Variants in GRIK2 observed in about 807,000 individuals in gnomAD.
GRIK2 encodes the protein glutamate ionotropic receptor kainate type subunit 2.
Under a neutral mutation model 100.3 loss-of-function variants are expected in GRIK2, and 32 were observed. That is an observed-to-expected ratio of 0.32 (90% CI 0.24 to 0.43). The LOEUF is 0.43. Among genes scored for constraint, GRIK2 ranks in the 20% least tolerant of loss-of-function variants. The pLI is 1.00. For missense variants in GRIK2, 843 were observed against 1,114.9 expected, an observed-to-expected ratio of 0.76 and a Z score of 3.47; for synonymous variants, 417 against 389.4, an observed-to-expected ratio of 1.07 and a Z score of -0.83.
chr6:101,966,576 C>T (rs1290236153), intron 14 of GRIK2, among the ~76,000 whole-genome samples: 1 of 152,040 alleles, frequency 6.6e-6, no homozygotes, highest in African/African-American at 2.4e-5. Context: ...TCATCTGTTT[C>T]CCCTGAGCAC....
intron 7 of GRIK2, among the ~76,000 whole-genome samples, chr6:101,769,994 C>G (rs1778297756): frequency 6.6e-6 from 1 of 152,152 alleles, no homozygotes; most frequent in Admixed American, 6.5e-5. Context: ...GTGTAAGGTT[C>G]TGATGGCCTT....
At chr6:101,865,259 G>A (rs1022281070) in intron 11 of GRIK2, among the ~76,000 whole-genome samples, 4 of 152,200 alleles carry the variant, frequency 2.6e-5, no homozygotes, top group Admixed American at 2.0e-4. Flanking sequence ...CAGATTTCCA[G>A]CTGTCTGAAT....
chr6:101,963,825 G>A (rs1315868226), intron 14 of GRIK2, among the ~76,000 whole-genome samples: 1 of 151,852 alleles, frequency 6.6e-6, no homozygotes, highest in African/African-American at 2.4e-5. Flanking sequence ...CCACTTAATT[G>A]CTTACCAATA....
chr6:101,782,680 A>G (rs545428584), intron 7 of GRIK2, among the ~76,000 whole-genome samples: 1 of 152,208 alleles, frequency 6.6e-6, no homozygotes, highest in Admixed American at 6.5e-5. Flanking sequence ...GAGTGCATGT[A>G]TCCCTTTGAT....
At chr6:101,888,739 C>A (rs1031243906) in intron 11 of GRIK2, among the ~76,000 whole-genome samples, 1 of 152,026 alleles carries the variant, frequency 6.6e-6, no homozygotes, top group African/African-American at 2.4e-5. Context: ...TTTTTTATGT[C>A]TTTCTCTAAC....
intron 14 of GRIK2, among the ~76,000 whole-genome samples, chr6:102,031,265 C>T (rs984979313): frequency 6.6e-6 from 1 of 150,936 alleles, no homozygotes; most frequent in Non-Finnish European, 1.5e-5. Flanking sequence ...CTTCAAAATG[C>T]AAATCTGATT....
At chr6:101,658,594 G>T (rs112488164) in intron 4 of GRIK2, among the ~76,000 whole-genome samples, 3 of 151,854 alleles carry the variant, frequency 2.0e-5, no homozygotes, top group Non-Finnish European at 2.9e-5. Context: ...GGATCAAATG[G>T]TATTTCTGTT....
intron 2 of GRIK2, among the ~76,000 whole-genome samples, chr6:101,621,478 T>C (rs1198670092): frequency 6.6e-6 from 1 of 152,018 alleles, no homozygotes; most frequent in African/African-American, 2.4e-5. Context: ...TTTAAAAGAA[T>C]TTTGATTTCT....
chr6:101,451,144 T>A (rs999139613), intron 2 of GRIK2, among the ~76,000 whole-genome samples: 4 of 151,758 alleles, frequency 2.6e-5, no homozygotes, highest in Non-Finnish European at 5.9e-5. Flanking sequence ...AAACTCCTTA[T>A]CCTGCGGAAA....
intron 7 of GRIK2, among the ~76,000 whole-genome samples, chr6:101,739,483 C>T (rs9498676): frequency 0.096 from 14,655 of 152,150 alleles, 844 homozygotes; most frequent in South Asian, 0.2. Context: ...CGTTCAGGCT[C>T]TGTTATTGAC....
At chr6:101,691,227 T>C (rs1772070385) in intron 7 of GRIK2, among the ~76,000 whole-genome samples, 2 of 152,302 alleles carry the variant, frequency 1.3e-5, no homozygotes, top group South Asian at 2.1e-4. Flanking sequence ...TTGTACTTTA[T>C]TATCAATATA....
chr6:101,997,420 G>C (rs1434545731), intron 14 of GRIK2, among the ~76,000 whole-genome samples: 1 of 151,802 alleles, frequency 6.6e-6, no homozygotes, highest in African/African-American at 2.4e-5. Flanking sequence ...TGCATCTTTG[G>C]TATTTTTAAA....
At position 102,035,978 on chromosome 6, in the gene GRIK2, G is replaced by A. The variant is rs1770247333; in HGVS notation, c.2311+412G>A. On this transcript the variant is annotated intron_variant, in intron 15 of 16. Coordinates refer to ENST00000369134, the MANE Select transcript of GRIK2 (RefSeq NM_021956.5). ...AACGAAAATAAGTGAGGCATAAATG[G>A]CTCTCATGAATATTATCAGAATTGT... is the stretch of plus-strand genomic sequence containing the variant. Among the ~76,000 whole-genome samples, 3 of 151,338 alleles carry A rather than the reference G, an allele frequency of 2.0e-5. No individual in the cohort carries two copies. In the South Asian group the frequency reaches 6.2e-4, roughly 31 times the overall value.
intron 14 of GRIK2, among the ~76,000 whole-genome samples, chr6:102,012,478 A>T (rs553386219): frequency 6.6e-5 from 10 of 152,274 alleles, no homozygotes; most frequent in Admixed American, 6.5e-4. Context: ...CTATCCATGA[A>T]CATGAATGTC....
intron 2 of GRIK2, among the ~76,000 whole-genome samples, chr6:101,425,809 A>T (rs1776671033): frequency 6.6e-6 from 1 of 152,140 alleles, no homozygotes; most frequent in Non-Finnish European, 1.5e-5. Flanking sequence ...GCTTCTACTA[A>T]CACTCCTTTT....
intron 2 of GRIK2, among the ~76,000 whole-genome samples, chr6:101,593,687 T>C (rs1304213842): frequency 6.6e-6 from 1 of 151,890 alleles, no homozygotes; most frequent in East Asian, 1.9e-4. Flanking sequence ...AAATTAGGTG[T>C]TATAGATTAC....
intron 2 of GRIK2, among the ~76,000 whole-genome samples, chr6:101,465,390 T>A (rs923819225): frequency 6.5e-4 from 99 of 152,274 alleles, no homozygotes; most frequent in Middle Eastern, 3.4e-3. Context: ...GTTTCTGAGT[T>A]TTTTCACTGG....
At chr6:102,051,317 C>G (rs1771183856) in intron 15 of GRIK2, among the ~76,000 whole-genome samples, 1 of 144,710 alleles carries the variant, frequency 6.9e-6, no homozygotes. Flanking sequence ...TCCTTCCACT[C>G]TCTGCAAGCT....
At chr6:101,759,958 T>TGCAAGC (rs61698221) in intron 7 of GRIK2, among the ~76,000 whole-genome samples, 101 of 126,098 alleles carry the variant, frequency 8.0e-4, no homozygotes, top group South Asian at 1.8e-3. Flanking sequence ...CTCGGCTCAC[T>TGCAAGC]TCCCGGGTTC....
Sources: allele counts gnomAD v4.1 joint callset (sites outside exome capture counted in the v4.1 genomes callset), GRCh38; gene constraint gnomAD v4.1.1; transcripts MANE v1.5; gene names NCBI Gene and HGNC (gene_info 2026-07-23, HGNC 2026-07-21).